MEGF11: variants seen among roughly 807,000 people sequenced by gnomAD.
MEGF11 encodes the protein multiple EGF like domains 11.
MEGF11 carries 126 observed loss-of-function variants against 146.6 expected under a neutral mutation model. The observed-to-expected ratio is 0.86, with a 90% confidence interval of 0.74 to 1.00. MEGF11 has a LOEUF of 1.00. MEGF11 is among the 50% of genes least tolerant of loss of function. The pLI, the probability that MEGF11 is intolerant of heterozygous loss-of-function variation, is 0.00. For missense variants in MEGF11, 1,509 were observed against 1,521.2 expected (o/e 0.99, Z 0.13); for synonymous variants, 532 against 583.4 (o/e 0.91, Z 1.27).
At chr15:65,908,468 C>T (rs1422834105) in intron 23 of MEGF11, among the ~76,000 whole-genome samples, 1 of 152,166 alleles carries the variant, frequency 6.6e-6, no homozygotes, top group Non-Finnish European at 1.5e-5. Flanking sequence ...TGTGTGTCTC[C>T]CAAGCCACCA....
At chr15:66,085,459 G>T (rs896729526) in intron 5 of MEGF11, among the ~76,000 whole-genome samples, 1 of 152,184 alleles carries the variant, frequency 6.6e-6, no homozygotes, top group African/African-American at 2.4e-5. Flanking sequence ...ACAGGCACTG[G>T]TATCCACGGC....
chr15:66,054,566 G>A lies in MEGF11; in HGVS notation c.394+39836C>T, dbSNP rs73483410. ...TCACCTCCAGGGGTGTCTGGATGAAGATTTCCTCCATTGGCCTGGGCAGAG... is the reference window on the plus strand; with the variant it reads ...TCACCTCCAGGGGTGTCTGGATGAAAATTTCCTCCATTGGCCTGGGCAGAG... On this transcript the variant is annotated intron_variant, in intron 5 of 25. Coordinates refer to ENST00000395614, the MANE Select transcript of MEGF11 (RefSeq NM_001385028.1). Among the ~76,000 whole-genome samples, 159 of 152,336 alleles carry A rather than the reference G, an allele frequency of 1.0e-3. 2 individuals are homozygous for A. The highest frequency in any genetic ancestry group is 3.6e-3 in the African/African-American group (149 of 41,574).
At chr15:66,237,533 G>A (rs1046766977) in intron 1 of MEGF11, among the ~76,000 whole-genome samples, 40 of 152,168 alleles carry the variant, frequency 2.6e-4, no homozygotes, top group African/African-American at 1.4e-4. Flanking sequence ...CAGGTCCACC[G>A]TCCTGTGGGG....
chr15:66,103,562 A>T (rs1373452199), intron 4 of MEGF11, among the ~76,000 whole-genome samples: 1 of 152,138 alleles, frequency 6.6e-6, no homozygotes, highest in African/African-American at 2.4e-5. Context: ...AGGAAGAGGG[A>T]AAGAGTAAGA....
At chr15:66,034,099 T>C (rs1286751833) in intron 5 of MEGF11, among the ~76,000 whole-genome samples, 7 of 152,210 alleles carry the variant, frequency 4.6e-5, no homozygotes, top group East Asian at 1.9e-4. Flanking sequence ...CTGGATTTAC[T>C]TGTTATTCCT....
rs150575603 is a variant in MEGF11 at position 65,910,784 on chromosome 15, A to C, written c.2830-978T>G. Reference sequence around the variant, plus strand: ...GGGAAGAAAGGACTCCTAGATCTCTAGGGCATAGCCGTGGACTATGAAAGC... The same window carrying C: ...GGGAAGAAAGGACTCCTAGATCTCTCGGGCATAGCCGTGGACTATGAAAGC... On this transcript the variant is annotated intron_variant, in intron 21 of 25. Transcript: ENST00000395614. 8.1e-3 allele frequency among the ~76,000 whole-genome samples: 1,232 copies of C among 152,310 alleles called. 12 individuals are homozygous for C. The highest frequency in any genetic ancestry group is 0.014 in the Middle Eastern group (4 of 294).
chr15:66,169,270 G>C (rs940859478), intron 1 of MEGF11, among the ~76,000 whole-genome samples: 1 of 152,194 alleles, frequency 6.6e-6, no homozygotes, highest in African/African-American at 2.4e-5. Context: ...TTTCAGAAGG[G>C]AAAATGATGC....
intron 5 of MEGF11, among the ~76,000 whole-genome samples, chr15:66,082,032 C>T (rs1172708115): frequency 3.9e-5 from 6 of 152,084 alleles, no homozygotes; most frequent in African/African-American, 1.2e-4. Context: ...CTTGGACCTC[C>T]GAGCCTCCAG....
chr15:66,030,024 G>A (rs898872322), intron 5 of MEGF11, among the ~76,000 whole-genome samples: 2 of 152,196 alleles, frequency 1.3e-5, no homozygotes, highest in African/African-American at 4.8e-5. Flanking sequence ...TCCAACCAAT[G>A]TTATCTCAGC....
intron 1 of MEGF11, among the ~76,000 whole-genome samples, chr15:66,181,501 G>A (rs928895187): frequency 7.0e-6 from 1 of 143,232 alleles, no homozygotes; most frequent in African/African-American, 2.7e-5. Flanking sequence ...AGGACTTTGC[G>A]GTCATCTTCT....
Position 66,041,489 on chromosome 15 carries a change from C to T in MEGF11, c.394+52913G>A, listed in dbSNP as rs147978823. Among the ~76,000 whole-genome samples the T allele has an allele frequency of 1.2e-3, 176 of 152,324 alleles. 1 individual carries two copies. Among genetic ancestry groups the T allele is most frequent in the African/African-American group, 3.8e-3 (159 of 41,568 alleles). ...CCCCCATGCACGGAGGGTCGCCTTGCGCTGCACATTGCACTAGGTGCCTCC... is the reference window on the plus strand; with the variant it reads ...CCCCCATGCACGGAGGGTCGCCTTGTGCTGCACATTGCACTAGGTGCCTCC... On this transcript the variant is annotated intron_variant, in intron 5 of 25. Coordinates refer to ENST00000395614, the MANE Select transcript of MEGF11 (RefSeq NM_001385028.1).
intron 21 of MEGF11, among the ~76,000 whole-genome samples, chr15:65,911,653 C>T (rs1054484917): frequency 3.9e-5 from 6 of 152,098 alleles, no homozygotes; most frequent in South Asian, 4.1e-4. Flanking sequence ...CCTTGTGATC[C>T]GCCTGCCTCG....
rs1277074765 is a variant in MEGF11, at chr15:66,158,029, G to A, written c.-8-29618C>T. ...CCCCTTGAAATGTTTTGTTCTCCGG[G>A]TGAGACATAGCTTTTCCCATTTGTC... On this transcript the variant is annotated intron_variant, in intron 1 of 25. Coordinates refer to ENST00000395614, the MANE Select transcript of MEGF11 (RefSeq NM_001385028.1). Among the ~76,000 whole-genome samples, 4 of 152,170 alleles carry A rather than the reference G, an allele frequency of 2.6e-5. No individual in the cohort carries two copies. In the East Asian group the frequency reaches 7.7e-4, roughly 29 times the overall value.
At chr15:66,138,551 C>G (rs147971870) in intron 1 of MEGF11, among the ~76,000 whole-genome samples, 1 of 152,124 alleles carries the variant, frequency 6.6e-6, no homozygotes, top group Non-Finnish European at 1.5e-5. Flanking sequence ...GCAGCCCGGT[C>G]GGGTCACGGC....
chr15:66,056,278 G>T (rs2084671177), intron 5 of MEGF11, among the ~76,000 whole-genome samples: 1 of 151,744 alleles, frequency 6.6e-6, no homozygotes, highest in Non-Finnish European at 1.5e-5. Context: ...CTGTAGAGGG[G>T]GCAGGGTGTG....
At chr15:66,212,818 C>A (rs1161669684) in intron 1 of MEGF11, among the ~76,000 whole-genome samples, 1 of 152,190 alleles carries the variant, frequency 6.6e-6, no homozygotes, top group African/African-American at 2.4e-5. Context: ...ACAGGAGCAC[C>A]AGCAGTTGGG....
At position 65,975,020 on chromosome 15, in the gene MEGF11, T is replaced by G. The variant is rs1324195601; in HGVS notation, c.763-4331A>C. On this transcript the variant is annotated intron_variant, in intron 7 of 25. Transcript: ENST00000395614. The stretch of plus-strand genomic sequence containing the variant: ...GCCACCACGCCCAGCTAATTTTTGG[T>G]ATTTTTAGTAGAGATGGGGTTTCAC... 2.0e-5 allele frequency among the ~76,000 whole-genome samples: 3 copies of G among 152,148 alleles called. No individual in the cohort carries two copies. In the East Asian group the frequency reaches 5.8e-4, roughly 29 times the overall value.
chr15:66,207,143 A>G (rs976308158), intron 1 of MEGF11, among the ~76,000 whole-genome samples: 1 of 152,158 alleles, frequency 6.6e-6, no homozygotes, highest in African/African-American at 2.4e-5. Context: ...ATAGAGAGAA[A>G]TAATAGCTGA....
At chr15:66,009,446 A>C (rs2082634349) in intron 5 of MEGF11, among the ~76,000 whole-genome samples, 1 of 151,684 alleles carries the variant, frequency 6.6e-6, no homozygotes, top group Non-Finnish European at 1.5e-5. Flanking sequence ...CACATCTATG[A>C]CTCAAGACTT....
Sources: gnomAD v4.1 joint callset for allele counts (sites outside exome capture counted in the v4.1 genomes callset) on GRCh38, gnomAD v4.1.1 for gene constraint, MANE v1.5 for transcripts, NCBI Gene and HGNC (gene_info 2026-07-23, HGNC 2026-07-21) for gene names.